NRG1: variants seen among roughly 807,000 people sequenced by gnomAD.
NRG1 encodes the protein neuregulin 1, also known as pro-neuregulin-1, membrane-bound isoform.
In NRG1, 18 loss-of-function variants were observed where a neutral mutation model predicts 63.8. The ratio of observed to expected loss-of-function variants is 0.28; its 90% CI spans 0.19 to 0.42. NRG1 has a LOEUF of 0.42. NRG1 is among the 10% of genes least tolerant of loss of function. The probability of loss-of-function intolerance (pLI) is 1.00; values close to 1 mark genes in which losing one functional copy is unlikely to be tolerated. For synonymous variants in NRG1, 302 were observed against 301.3 expected, an observed-to-expected ratio of 1.00 and a Z score of -0.02; for missense variants, 762 against 814.7, an observed-to-expected ratio of 0.94 and a Z score of 0.79.
intron 1 of NRG1, among the ~76,000 whole-genome samples, chr8:32,230,773 TG>T (rs1270782431): frequency 3.2e-5 from 3 of 94,476 alleles, no homozygotes; most frequent in African/African-American, 1.3e-4. Context: ...TATATATACA[TG>T]GGGTACATGT....
chr8:32,418,797 C>T (rs1233601140), intron 1 of NRG1, among the ~76,000 whole-genome samples: 1 of 152,036 alleles, frequency 6.6e-6, no homozygotes, highest in Non-Finnish European at 1.5e-5. Context: ...TTCTTAAAAC[C>T]AGCATTGCAG....
At chr8:32,132,945 G>A (rs1835035618) in intron 1 of NRG1, among the ~76,000 whole-genome samples, 1 of 151,854 alleles carries the variant, frequency 6.6e-6, no homozygotes, top group African/African-American at 2.4e-5. Flanking sequence ...GAAGAAATTG[G>A]CCAGTCTTCC....
intron 1 of NRG1, among the ~76,000 whole-genome samples, chr8:32,133,827 A>G (rs1835162215): frequency 6.6e-6 from 1 of 152,176 alleles, no homozygotes; most frequent in African/African-American, 2.4e-5. Flanking sequence ...ATATCTTCAA[A>G]TTAAAAAGTA....
At chr8:31,995,303 G>A (rs2129633217) in intron 1 of NRG1, among the ~76,000 whole-genome samples, 1 of 152,008 alleles carries the variant, frequency 6.6e-6, no homozygotes, top group Admixed American at 6.6e-5. Context: ...GTAGCACTTA[G>A]GTAATAATAT....
At chr8:32,064,722 T>G (rs946539415) in intron 1 of NRG1, among the ~76,000 whole-genome samples, 16 of 152,134 alleles carry the variant, frequency 1.1e-4, no homozygotes, top group African/African-American at 3.9e-4. Context: ...AATGACTCAT[T>G]TACTTATAAG....
intron 1 of NRG1, among the ~76,000 whole-genome samples, chr8:31,647,371 C>T (rs1056381994): frequency 6.6e-6 from 1 of 152,170 alleles, no homozygotes; most frequent in African/African-American, 2.4e-5. Context: ...CATTTGGGCT[C>T]TGATGAATAA....
intron 1 of NRG1, among the ~76,000 whole-genome samples, chr8:32,399,744 A>G (rs1812928107): frequency 6.6e-6 from 1 of 152,120 alleles, no homozygotes. Flanking sequence ...AAAAGTCATA[A>G]CTTTGTGTAG....
At chr8:31,675,794 C>T (rs188355729) in intron 1 of NRG1, among the ~76,000 whole-genome samples, 1 of 152,170 alleles carries the variant, frequency 6.6e-6, no homozygotes, top group East Asian at 1.9e-4. Flanking sequence ...CACATTTGGT[C>T]CTCCCATCTC....
chr8:32,447,227 G>T (rs1377435656), intron 1 of NRG1, among the ~76,000 whole-genome samples: 1 of 151,590 alleles, frequency 6.6e-6, no homozygotes, highest in African/African-American at 2.4e-5. Context: ...GTTTCACTAT[G>T]TTGGCCAGGC....
At chr8:31,770,643 G>A (rs907150746) in intron 1 of NRG1, among the ~76,000 whole-genome samples, 14 of 151,758 alleles carry the variant, frequency 9.2e-5, no homozygotes, top group Admixed American at 3.9e-4. Flanking sequence ...GGGAGGGATA[G>A]CATTAGGAGA....
At chr8:31,788,786 T>C (rs1820417840) in intron 1 of NRG1, among the ~76,000 whole-genome samples, 1 of 152,186 alleles carries the variant, frequency 6.6e-6, no homozygotes, top group East Asian at 1.9e-4. Context: ...TGCCGTTTCA[T>C]AGATAAGAAA....
intron 1 of NRG1, among the ~76,000 whole-genome samples, chr8:32,592,643 G>GA (rs1433656234): frequency 6.6e-6 from 1 of 152,122 alleles, no homozygotes; most frequent in Non-Finnish European, 1.5e-5. Flanking sequence ...AGGAAAGAGA[G>GA]GGGCAAACTG....
chr8:32,507,147 G>GA (rs367991779), intron 1 of NRG1, among the ~76,000 whole-genome samples: 16 of 125,354 alleles, frequency 1.3e-4, no homozygotes, highest in African/African-American at 4.8e-4. Flanking sequence ...TCAGAATGGT[G>GA]AAAAAAATCC....
chr8:32,591,438 CTCA>C (rs1342569089), intron 1 of NRG1, among the ~76,000 whole-genome samples: 1 of 152,022 alleles, frequency 6.6e-6, no homozygotes, highest in African/African-American at 2.4e-5. Flanking sequence ...AGGTCTCTGC[CTCA>C]TTGCATTGTA....
chr8:32,456,045 G>A (rs1442547017), intron 1 of NRG1, among the ~76,000 whole-genome samples: 1 of 152,076 alleles, frequency 6.6e-6, no homozygotes, highest in South Asian at 2.1e-4. Flanking sequence ...GGTCTCCTGA[G>A]GGAAATCTAT....
chr8:32,758,676 A>C (rs899958732), intron 9 of NRG1, among the ~76,000 whole-genome samples: 1 of 151,806 alleles, frequency 6.6e-6, no homozygotes, highest in Non-Finnish European at 1.5e-5. Context: ...TGTCCTCCAT[A>C]TATTATGTGC....
At chr8:32,109,344 T>G (rs1249252697) in intron 1 of NRG1, among the ~76,000 whole-genome samples, 1 of 152,200 alleles carries the variant, frequency 6.6e-6, no homozygotes, top group Non-Finnish European at 1.5e-5. Flanking sequence ...CTGAGCAGAT[T>G]AATTTGAGAG....
Position 31,874,251 on chromosome 8 carries a change from G to C in NRG1, c.37+234820G>C, listed in dbSNP as rs1216119252. Among the ~76,000 whole-genome samples, 3 of 152,284 alleles carry C rather than the reference G, an allele frequency of 2.0e-5. No individual in the cohort carries two copies. The East Asian group carries it at 5.8e-4, about 29-fold the overall frequency. ...CTGGCATGATATTTGCTTAACAAAA[G>C]CATGCCATAAATAAGAGACTTAATA... On this transcript the variant is annotated intron_variant, in intron 1 of 10. Transcript: ENST00000519301.
At chr8:32,390,678 C>CTCT (rs1297562802) in intron 1 of NRG1, among the ~76,000 whole-genome samples, 75 of 151,872 alleles carry the variant, frequency 4.9e-4, no homozygotes, top group Admixed American at 4.9e-3. Context: ...ACTAGACACC[C>CTCT]TCTTATCTGC....
Sources: allele counts gnomAD v4.1 joint callset (sites outside exome capture counted in the v4.1 genomes callset), GRCh38; gene constraint gnomAD v4.1.1; transcripts MANE v1.5; gene names NCBI Gene and HGNC (gene_info 2026-07-23, HGNC 2026-07-21).